Variants in LHFPL4 observed in about 807,000 individuals in gnomAD.
LHFPL4 encodes LHFPL tetraspan subfamily member 4.
LHFPL4 carries 6 observed loss-of-function variants against 20.0 expected under a neutral mutation model. The ratio of observed to expected loss-of-function variants is 0.30; its 90% CI spans 0.16 to 0.59. LHFPL4 has a LOEUF of 0.59. LHFPL4 is among the 20% of genes least tolerant of loss of function. The pLI, the probability that LHFPL4 is intolerant of heterozygous loss-of-function variation, is 0.88. For synonymous variants in LHFPL4, 129 were observed against 143.8 expected (o/e 0.90, Z 0.74); for missense variants, 215 against 331.2 (o/e 0.65, Z 2.72).
At chr3:9,524,751 G>C (rs761496871) in intron 2 of LHFPL4, among the ~76,000 whole-genome samples, 38 of 152,148 alleles carry the variant, frequency 2.5e-4, no homozygotes, top group Non-Finnish European at 4.6e-4. Flanking sequence ...ATTGAGCCGG[G>C]TTCACATATT....
chr3:9,504,564 A>G (rs966926967), intron 3 of LHFPL4, among the ~76,000 whole-genome samples: 5 of 151,932 alleles, frequency 3.3e-5, no homozygotes, highest in South Asian at 4.1e-4. Flanking sequence ...GGTGGCTCAC[A>G]CCTGTAATCC....
At chr3:9,508,349 C>A (rs1353266631) in intron 2 of LHFPL4, among the ~76,000 whole-genome samples, 2 of 152,200 alleles carry the variant, frequency 1.3e-5, no homozygotes, top group Admixed American at 6.5e-5. Flanking sequence ...CTCCTCCCCC[C>A]ACCAATGCTC....
chr3:9,548,715 G>A (rs1335221684), intron 2 of LHFPL4, among the ~76,000 whole-genome samples: 4 of 152,272 alleles, frequency 2.6e-5, no homozygotes, highest in African/African-American at 4.8e-5. Context: ...TTATCTTTGA[G>A]GGAATTGGCC....
intron 3 of LHFPL4, among the ~76,000 whole-genome samples, chr3:9,503,176 T>C (rs1340603728): frequency 6.6e-6 from 1 of 151,970 alleles, no homozygotes; most frequent in East Asian, 1.9e-4. Flanking sequence ...GGCTCACTCA[T>C]CTTGAACTCC....
intron 2 of LHFPL4, among the ~76,000 whole-genome samples, chr3:9,529,795 G>GAAAAATA: frequency 6.6e-6 from 1 of 151,830 alleles, no homozygotes; most frequent in Non-Finnish European, 1.5e-5. Flanking sequence ...ACCACACCTG[G>GAAAAATA]CTAATTTTTG....
chr3:9,508,771 G>C (rs1424873125), intron 2 of LHFPL4, among the ~76,000 whole-genome samples: 2 of 152,202 alleles, frequency 1.3e-5, no homozygotes, highest in African/African-American at 4.8e-5. Flanking sequence ...GGAAGGCAAC[G>C]GGGCAGGGGG....
rs542783790 is a variant in LHFPL4, at chr3:9,538,407, C to T, written c.406+13867G>A. Among the ~76,000 whole-genome samples the T allele has an allele frequency of 3.7e-4, 57 of 152,326 alleles. 1 individual carries two copies. The South Asian group carries it at 0.011, about 30-fold the overall frequency. On this transcript the variant is annotated intron_variant, in intron 2 of 3. Transcript: ENST00000287585. ...TCCTCTCCCAACTGTTCCCACTTTT[C>T]AACCCTTTCTCCCTTGTTCTAGCAC...
Position 9,523,360 on chromosome 3 carries a change from G to A in LHFPL4, c.407-17157C>T, listed in dbSNP as rs185497775. On this transcript the variant is annotated intron_variant, in intron 2 of 3. Coordinates refer to ENST00000287585, the MANE Select transcript of LHFPL4 (RefSeq NM_198560.3). The stretch of plus-strand genomic sequence containing the variant: ...CGCGCCACTGGACTGTAGCTTGGGA[G>A]ACAGAGTGAGACTTCGTCTCAAAAA... Among the ~76,000 whole-genome samples the A allele has an allele frequency of 1.9e-3, 279 of 149,712 alleles. 2 individuals are homozygous for A. Among genetic ancestry groups the A allele is most frequent in the Admixed American group, 0.018 (263 of 14,982 alleles).
At chr3:9,527,841 C>CAT (rs1403030489) in intron 2 of LHFPL4, among the ~76,000 whole-genome samples, 1 of 133,922 alleles carries the variant, frequency 7.5e-6, no homozygotes, top group Non-Finnish European at 1.7e-5. Flanking sequence ...CACACACACA[C>CAT]ACACACACAG....
intron 2 of LHFPL4, among the ~76,000 whole-genome samples, chr3:9,518,719 C>T (rs1242332330): frequency 1.3e-5 from 2 of 149,788 alleles, no homozygotes; most frequent in Non-Finnish European, 3.0e-5. Context: ...TTTATTATCC[C>T]TTTTATGTCC....
chr3:9,531,574 G>A (rs772272346), intron 2 of LHFPL4, among the ~76,000 whole-genome samples: 128 of 152,264 alleles, frequency 8.4e-4, no homozygotes, highest in Non-Finnish European at 1.3e-3. Context: ...AGGCCGAGGC[G>A]GGTGGATCAT....
At chr3:9,526,754 G>A (rs1405120435) in intron 2 of LHFPL4, among the ~76,000 whole-genome samples, 1 of 151,938 alleles carries the variant, frequency 6.6e-6, no homozygotes, top group Admixed American at 6.6e-5. Flanking sequence ...ACACACACAC[G>A]TGAAGACCAG....
chr3:9,520,224 G>A (rs2046329137), intron 2 of LHFPL4, among the ~76,000 whole-genome samples: 1 of 152,070 alleles, frequency 6.6e-6, no homozygotes, highest in Non-Finnish European at 1.5e-5. Context: ...GAGAGGCTGA[G>A]GCAGAAAGTT....
intron 2 of LHFPL4, among the ~76,000 whole-genome samples, chr3:9,525,695 T>C (rs781747325): frequency 6.6e-6 from 1 of 152,178 alleles, no homozygotes; most frequent in South Asian, 2.1e-4. Context: ...AAGAGCAAGA[T>C]TTCTTTGACA....
intron 2 of LHFPL4, among the ~76,000 whole-genome samples, chr3:9,539,242 T>C (rs1293874576): frequency 6.6e-6 from 1 of 151,660 alleles, no homozygotes; most frequent in Non-Finnish European, 1.5e-5. Context: ...TCACTTGAGG[T>C]CAGGAATTCC....
At chr3:9,513,652 T>C (rs1312058044) in intron 2 of LHFPL4, among the ~76,000 whole-genome samples, 1 of 152,192 alleles carries the variant, frequency 6.6e-6, no homozygotes, top group African/African-American at 2.4e-5. Context: ...TAAACTGCAA[T>C]TATTTTGGTT....
In LHFPL4 at chr3:9,501,886, C is replaced by A; in HGVS notation, c.*325G>T. The A allele has an allele frequency of 3.4e-6, 1 of 294,104 alleles. No homozygotes were observed. Among genetic ancestry groups the A allele is most frequent in the African/African-American group, 2.2e-5 (1 of 46,376 alleles). The allele number at this position is 294,104 out of a possible 1,614,324, so 18.2% of individuals were successfully genotyped here. ...GGGGCCTGGGGAGCTGGAACTACAG[C>A]TCCGCTCTCCCTGGGGATCTGCAGG... On this transcript the variant is annotated 3_prime_UTR_variant, in exon 4 of 4. Coordinates refer to ENST00000287585, the MANE Select transcript of LHFPL4 (RefSeq NM_198560.3).
chr3:9,520,330 T>A (rs2046329543), intron 2 of LHFPL4, among the ~76,000 whole-genome samples: 1 of 151,994 alleles, frequency 6.6e-6, no homozygotes, highest in Non-Finnish European at 1.5e-5. Flanking sequence ...TTAAAGTTTA[T>A]CTTGAGGTTT....
intron 2 of LHFPL4, among the ~76,000 whole-genome samples, chr3:9,508,547 C>A (rs1313623350): frequency 6.6e-6 from 1 of 152,188 alleles, no homozygotes; most frequent in Admixed American, 6.5e-5. Context: ...AATCTGGGGA[C>A]TCTGGGCACT....
Sources: allele counts gnomAD v4.1 joint callset (sites outside exome capture counted in the v4.1 genomes callset), GRCh38; gene constraint gnomAD v4.1.1; transcripts MANE v1.5; gene names NCBI Gene and HGNC (gene_info 2026-07-23, HGNC 2026-07-21).